The following NPY4R variants were observed in gnomAD, a reference collection of about 807,000 sequenced individuals.
NPY4R encodes neuropeptide Y receptor Y4, also known as neuropeptide Y receptor type 4.
In NPY4R, 2 loss-of-function variants were observed where a neutral mutation model predicts 11.9. The observed-to-expected ratio is 0.17, with a 90% CI of 0.07 to 0.53. The LOEUF (loss-of-function observed/expected upper bound fraction) is 0.53. Among genes scored for constraint, NPY4R ranks in the 20% least tolerant of loss-of-function variants. The probability of loss-of-function intolerance (pLI) is 0.94; values close to 1 mark genes in which losing one functional copy is unlikely to be tolerated. For missense variants in NPY4R, 26 were observed against 280.2 expected, an observed-to-expected ratio of 0.09 and a Z score of 6.48; for synonymous variants, 8 against 121.7, an observed-to-expected ratio of 0.07 and a Z score of 6.15.
chr10:46,466,269 TTTCTTTCTTTCTTTCTCTCTC>T (rs1841044828), upstream of NPY4R, among the ~76,000 whole-genome samples: 1 of 87,242 alleles, frequency 1.1e-5, no homozygotes, highest in Non-Finnish European at 2.2e-5. Context: ...CTTTCCTTTC[TTTCTTTCTTTCTTTCTCTCTC>T]TCTCTCTCTC....
chr10:46,468,037 C>T (rs1314483397), upstream of NPY4R, among the ~76,000 whole-genome samples: 3 of 121,226 alleles, frequency 2.5e-5, no homozygotes, highest in South Asian at 5.4e-4. Context: ...AGTCCATCCT[C>T]ATGCCTAACT....
chr10:46,463,942 T>G, intron 1 of NPY4R, 57 bp from the exon 2 acceptor site: 1 of 145,888 alleles, frequency 6.9e-6, no homozygotes, highest in Non-Finnish European at 1.5e-5. Flanking sequence ...GGACCCCATC[T>G]TGTAAAACAC....
upstream of NPY4R, among the ~76,000 whole-genome samples, chr10:46,466,125 C>G (rs1468370411): frequency 6.8e-6 from 1 of 147,674 alleles, no homozygotes; most frequent in South Asian, 2.1e-4. Flanking sequence ...CTGCGTGTGT[C>G]TCTCACGCCC....
At chr10:46,463,256 A>AC (rs1840901035) in intron 2 of NPY4R, among the ~76,000 whole-genome samples, 1 of 66,712 alleles carries the variant, frequency 1.5e-5, no homozygotes, top group East Asian at 2.3e-4. Context: ...CTTCCACGGC[A>AC]CCCCATTCCC....
chr10:46,466,286 C>CTTTCTTTCTTTCTTTCTTT (rs782691125), upstream of NPY4R, among the ~76,000 whole-genome samples: 2 of 14,966 alleles, frequency 1.3e-4, no homozygotes, highest in African/African-American at 5.3e-4. Context: ...CTTTCTTTCT[C>CTTTCTTTCTTTCTTTCTTT]TCTCTCTCTC....
upstream of NPY4R, among the ~76,000 whole-genome samples, chr10:46,466,176 T>C (rs1841014480): frequency 1.3e-4 from 2 of 15,190 alleles, 1 homozygote; most frequent in African/African-American, 5.3e-4. Context: ...CTGCGCTGTC[T>C]TTCTCTCTTT....
chr10:46,466,243 CTTTCTTTCTTTCTTT>C (rs1841033395), upstream of NPY4R, among the ~76,000 whole-genome samples: 23 of 69,352 alleles, frequency 3.3e-4, 2 homozygotes, highest in Admixed American at 5.9e-4. Flanking sequence ...TTCTTTCTTT[CTTTCTTTCTTTCTTT>C]CTTTCCTTTC....
upstream of NPY4R, among the ~76,000 whole-genome samples, chr10:46,467,932 A>G (rs555366693): frequency 2.8e-5 from 3 of 106,516 alleles, no homozygotes; most frequent in East Asian, 2.5e-4. Context: ...CCTGAACCCT[A>G]GCTCTTGTGG....
At chr10:46,468,238 C>G (rs1392991629), upstream of NPY4R, among the ~76,000 whole-genome samples, 3 of 131,160 alleles carry the variant, frequency 2.3e-5, no homozygotes, top group Admixed American at 1.6e-4. Flanking sequence ...TCAGGTTAAA[C>G]CAATACTCCC....
chr10:46,467,473 A>G (rs1395950194), upstream of NPY4R, among the ~76,000 whole-genome samples: 2 of 150,230 alleles, frequency 1.3e-5, no homozygotes, highest in African/African-American at 4.9e-5. Context: ...CCCTGCTGCC[A>G]TGACAAATTC....
At chr10:46,470,648 C>G (rs1841160097), upstream of NPY4R, among the ~76,000 whole-genome samples, 1 of 24,466 alleles carries the variant, frequency 4.1e-5, no homozygotes, top group South Asian at 3.1e-3. Flanking sequence ...TAAAAGGAAG[C>G]CCGAGGAACT....
chr10:46,464,229 TGTG>T (rs1162344515), intron 1 of NPY4R, among the ~76,000 whole-genome samples: 1 of 151,962 alleles, frequency 6.6e-6, no homozygotes, highest in East Asian at 1.9e-4. Flanking sequence ...ATTAGCCAAG[TGTG>T]GTGGTGCATG....
upstream of NPY4R, among the ~76,000 whole-genome samples, chr10:46,468,082 A>G (rs1218163602): frequency 8.0e-6 from 1 of 125,356 alleles, no homozygotes; most frequent in Non-Finnish European, 1.7e-5. Flanking sequence ...ACAGGCGAGA[A>G]AACTGAGCCT....
upstream of NPY4R, among the ~76,000 whole-genome samples, chr10:46,466,199 CTT>C (rs1356972395): frequency 3.4e-5 from 2 of 59,064 alleles, no homozygotes; most frequent in African/African-American, 2.3e-4. Context: ...TTCTTTCTTT[CTT>C]TCTTTCTTTC....
upstream of NPY4R, among the ~76,000 whole-genome samples, chr10:46,466,217 T>TTCTTTCTTTCTTTC (rs1841025182): frequency 1.6e-5 from 1 of 62,446 alleles, no homozygotes; most frequent in African/African-American, 1.0e-4. Context: ...CTTTCTTTCT[T>TTCTTTCTTTCTTTC]TCTTTCTTTC....
intron 1 of NPY4R, among the ~76,000 whole-genome samples, chr10:46,464,252 C>T (rs1490556340): frequency 6.6e-6 from 1 of 151,556 alleles, no homozygotes; most frequent in Non-Finnish European, 1.5e-5. Context: ...GCCTGTAGTC[C>T]CAGCTACATG....
chr10:46,466,253 TTC>T (rs1491130990), upstream of NPY4R, among the ~76,000 whole-genome samples: 10 of 65,446 alleles, frequency 1.5e-4, 2 homozygotes, highest in South Asian at 3.9e-4. Context: ...CTTTCTTTCT[TTC>T]TTTCTTTCCT....
Position 46,462,374 on chromosome 10 carries a change from A to C in NPY4R, c.262T>G (p.Phe88Val), listed in dbSNP as rs1840853518. The C allele has an allele frequency of 1.2e-6, 2 of 1,610,764 alleles. No individual in the cohort carries two copies. Among genetic ancestry groups the C allele is most frequent in the Non-Finnish European group, 1.7e-6 (2 of 1,177,472 alleles). ...LLIANLAFSDFLMCLLCQPLT... is the reference protein window; with the variant it reads ...LLIANLAFSDVLMCLLCQPLT... ...GGCTGGCAGAGGAGGCACATGAGGAAGTCAGAGAAGGCCAGGTTGGCGATA... is the reference window on the plus strand; with the variant it reads ...GGCTGGCAGAGGAGGCACATGAGGACGTCAGAGAAGGCCAGGTTGGCGATA... The change falls in exon 3 of 3, where the codon TTC becomes GTC. Residue 88 changes from phenylalanine to valine, a missense_variant. Coordinates refer to ENST00000374312, the MANE Select transcript of NPY4R (RefSeq NM_005972.6).
chr10:46,466,287 TC>T (rs1841049864), upstream of NPY4R, among the ~76,000 whole-genome samples: 2 of 35,298 alleles, frequency 5.7e-5, no homozygotes, highest in African/African-American at 2.4e-4. Flanking sequence ...TTTCTTTCTC[TC>T]TCTCTCTCTC....
Sources: gnomAD v4.1 joint callset for allele counts (sites outside exome capture counted in the v4.1 genomes callset) on GRCh38, gnomAD v4.1.1 for gene constraint, MANE v1.5 for transcripts, NCBI Gene and HGNC (gene_info 2026-07-23, HGNC 2026-07-21) for gene names.